The following KCNMA1 variants were observed in gnomAD, a reference collection of about 807,000 sequenced individuals.
KCNMA1 encodes potassium calcium-activated channel subfamily M alpha 1, also known as Calcium-activated potassium channel subunit alpha-1.
Under a neutral mutation model 140.0 loss-of-function variants are expected in KCNMA1, and 29 were observed. The ratio of observed to expected loss-of-function variants is 0.21; its 90% CI spans 0.15 to 0.28. KCNMA1 has a LOEUF of 0.28. Among genes scored for constraint, KCNMA1 ranks in the 10% least tolerant of loss-of-function variants. The pLI, the probability that KCNMA1 is intolerant of heterozygous loss-of-function variation, is 1.00. For synonymous variants in KCNMA1, 612 were observed against 611.9 expected, an observed-to-expected ratio of 1.00 and a Z score of 0.00; for missense variants, 880 against 1,602.2, an observed-to-expected ratio of 0.55 and a Z score of 7.70.
At chr10:77,114,365 T>A (rs570118574) in intron 6 of KCNMA1, among the ~76,000 whole-genome samples, 1 of 152,140 alleles carries the variant, frequency 6.6e-6, no homozygotes, top group African/African-American at 2.4e-5. Context: ...CTAAACTGCA[T>A]CCTGTTCAGT....
At chr10:77,366,097 A>G (rs139727567) in intron 2 of KCNMA1, among the ~76,000 whole-genome samples, 1 of 127,914 alleles carries the variant, frequency 7.8e-6, no homozygotes, top group Non-Finnish European at 1.7e-5. Flanking sequence ...CTCAGGTACT[A>G]TGCATGTTCT....
intron 3 of KCNMA1, among the ~76,000 whole-genome samples, chr10:77,247,822 T>C (rs1174607609): frequency 6.6e-6 from 1 of 152,074 alleles, no homozygotes; most frequent in Non-Finnish European, 1.5e-5. Flanking sequence ...CTAGAGAGTC[T>C]ACTGCTGGGA....
At chr10:77,105,495 A>T (rs1216336610) in intron 9 of KCNMA1, among the ~76,000 whole-genome samples, 2 of 152,198 alleles carry the variant, frequency 1.3e-5, no homozygotes, top group Non-Finnish European at 2.9e-5. Flanking sequence ...CTGACAAGTT[A>T]ATATATTGTT....
At chr10:77,158,857 T>C (rs1597471846) in intron 5 of KCNMA1, among the ~76,000 whole-genome samples, 1 of 152,136 alleles carries the variant, frequency 6.6e-6, no homozygotes, top group Non-Finnish European at 1.5e-5. Flanking sequence ...GTGGATATGG[T>C]AGCCTGGCCA....
At chr10:77,008,846 G>T (rs1482499158) in intron 18 of KCNMA1, among the ~76,000 whole-genome samples, 1 of 152,242 alleles carries the variant, frequency 6.6e-6, no homozygotes, top group African/African-American at 2.4e-5. Context: ...CTGTTCGAAG[G>T]CATGGGGGTC....
chr10:77,128,483 C>T (rs1044893648), intron 5 of KCNMA1, among the ~76,000 whole-genome samples: 1 of 149,848 alleles, frequency 6.7e-6, no homozygotes, highest in Non-Finnish European at 1.5e-5. Context: ...ATTTAAATCA[C>T]CTGGGAAACT....
At position 77,064,052 on chromosome 10, in the gene KCNMA1, C is replaced by T. The variant is rs954192095; in HGVS notation, c.1749+9045G>A. ...CCCCATCCTCGCTGGGCACCGGACT[C>T]TGTGTATATGTTATGTAATCTTTCT... On this transcript the variant is annotated intron_variant, in intron 14 of 27. Transcript: ENST00000286628. 8 of 985,390 alleles carry T rather than the reference C, an allele frequency of 8.1e-6. No individual in the cohort carries two copies. The East Asian group carries it at 9.1e-4, about 112-fold the overall frequency. The allele number at this position is 985,390 out of a possible 1,614,324, so 61.0% of individuals were successfully genotyped here. A position where few individuals can be genotyped will look rare whatever the true frequency, so the allele number is the denominator to read the frequency against.
chr10:77,079,694 C>G (rs1565958749), intron 12 of KCNMA1, 144 bp from the exon 13 acceptor site: 1 of 696,400 alleles, frequency 1.4e-6, no homozygotes, highest in Non-Finnish European at 2.6e-6. Flanking sequence ...GGCTCAGATA[C>G]CAGACAAAAT....
intron 1 of KCNMA1, among the ~76,000 whole-genome samples, chr10:77,603,174 T>A (rs926580361): frequency 6.6e-6 from 1 of 151,768 alleles, no homozygotes; most frequent in Non-Finnish European, 1.5e-5. Flanking sequence ...GATTCCCACA[T>A]CCCCCCTGGT....
At chr10:77,173,686 T>C (rs927518736) in intron 5 of KCNMA1, among the ~76,000 whole-genome samples, 35 of 152,148 alleles carry the variant, frequency 2.3e-4, no homozygotes, top group African/African-American at 7.2e-4. Flanking sequence ...TCACTATTCT[T>C]ATTCTAAAGA....
At chr10:77,355,828 G>T (rs2093428320) in intron 2 of KCNMA1, among the ~76,000 whole-genome samples, 1 of 151,886 alleles carries the variant, frequency 6.6e-6, no homozygotes, top group South Asian at 2.1e-4. Context: ...GATCTCTGTG[G>T]CCATCCTTCT....
chr10:77,084,710 C>T lies in KCNMA1; in HGVS notation c.1450G>A (p.Ala484Thr). Reference protein sequence around the residue: ...HDLARVKIESADACLILANKY... With the variant: ...HDLARVKIESTDACLILANKY... ...TTGGCAAGGATCAGGCATGCATCTGCTGACTCTATCTAAGACACCGAAAGG... is the reference window on the plus strand; with the variant it reads ...TTGGCAAGGATCAGGCATGCATCTGTTGACTCTATCTAAGACACCGAAAGG... Residue 484 changes from alanine (A) to threonine (T), a missense_variant, in exon 12 of 28, where the codon GCA (alanine) becomes ACA (threonine). Transcript: ENST00000286628. 1 of 1,613,214 alleles carries T rather than the reference C, an allele frequency of 6.2e-7. No homozygotes were observed. The highest frequency in any genetic ancestry group is 8.5e-7 in the Non-Finnish European group (1 of 1,179,216).
At chr10:76,987,606 T>G (rs2081623057) in intron 19 of KCNMA1, among the ~76,000 whole-genome samples, 1 of 152,206 alleles carries the variant, frequency 6.6e-6, no homozygotes, top group Admixed American at 6.5e-5. Context: ...ACTGGGCCCA[T>G]GGGACAGTGT....
rs1029159095 is a variant in KCNMA1 at position 77,524,968 on chromosome 10, T to A, written c.378+112297A>T. The stretch of plus-strand genomic sequence containing the variant: ...CCTCAGCACCAGCAGGCTAAGCCGC[T>A]GTCACTGCCTGACCCCCTAACCCAG... On this transcript the variant is annotated intron_variant, in intron 1 of 27. Transcript: ENST00000286628. 2.0e-5 allele frequency among the ~76,000 whole-genome samples: 3 copies of A among 152,328 alleles called. No individual in the cohort carries two copies. In the South Asian group the frequency reaches 6.2e-4, roughly 32 times the overall value.
At chr10:77,610,057 C>T (rs1241941910) in intron 1 of KCNMA1, among the ~76,000 whole-genome samples, 1 of 152,222 alleles carries the variant, frequency 6.6e-6, no homozygotes, top group Non-Finnish European at 1.5e-5. Context: ...CCACCCTGCA[C>T]CAGCTGCTCC....
intron 1 of KCNMA1, among the ~76,000 whole-genome samples, chr10:77,440,533 A>C (rs1404762106): frequency 2.0e-5 from 3 of 152,208 alleles, no homozygotes; most frequent in African/African-American, 4.8e-5. Flanking sequence ...GAGCAAGACA[A>C]AAGTGAAGAT....
intron 1 of KCNMA1, among the ~76,000 whole-genome samples, chr10:77,555,057 T>TACACACACACACACACACACACAC (rs111952376): frequency 6.6e-6 from 1 of 151,428 alleles, no homozygotes; most frequent in Non-Finnish European, 1.5e-5. Flanking sequence ...TCTTACCACA[T>TACACACACACACACACACACACAC]ACACACACGC....
intron 1 of KCNMA1, among the ~76,000 whole-genome samples, chr10:77,555,437 AG>A (rs2064045292): frequency 6.6e-6 from 1 of 152,248 alleles, no homozygotes; most frequent in African/African-American, 2.4e-5. Flanking sequence ...ATTAGAATCA[AG>A]GAAGAGCCAA....
chr10:77,317,034 C>T (rs963704273), intron 2 of KCNMA1, among the ~76,000 whole-genome samples: 2 of 152,252 alleles, frequency 1.3e-5, no homozygotes, highest in East Asian at 1.9e-4. Context: ...ACTGAAGGTG[C>T]CTTGGCGCTA....
Sources: gnomAD v4.1 joint callset for allele counts (sites outside exome capture counted in the v4.1 genomes callset) on GRCh38, gnomAD v4.1.1 for gene constraint, MANE v1.5 for transcripts, NCBI Gene and HGNC (gene_info 2026-07-23, HGNC 2026-07-21) for gene names.